MAD1L1: variants seen among roughly 807,000 people sequenced by gnomAD.
The protein encoded by MAD1L1 is mitotic arrest deficient 1 like 1.
In MAD1L1, 95 loss-of-function variants were observed where a neutral mutation model predicts 96.9. The ratio of observed to expected loss-of-function variants is 0.98; its 90% CI spans 0.83 to 1.16. MAD1L1 has a LOEUF of 1.16. Ranked by LOEUF, MAD1L1 falls within the 50% of genes most tolerant of loss-of-function variation. The pLI is 0.00. For missense variants in MAD1L1, 1,007 were observed against 954.4 expected (o/e 1.06, Z -0.73); for synonymous variants, 473 against 396.6 (o/e 1.19, Z -2.29).
intron 13 of MAD1L1, among the ~76,000 whole-genome samples, chr7:2,011,441 C>T (rs1353995288): frequency 1.3e-5 from 2 of 152,218 alleles, no homozygotes; most frequent in Non-Finnish European, 1.5e-5. Context: ...ACTTGCGCCA[C>T]ATCCATGAGG....
intron 17 of MAD1L1, among the ~76,000 whole-genome samples, chr7:1,905,207 G>A (rs376096737): frequency 3.2e-5 from 3 of 92,810 alleles, no homozygotes; most frequent in Non-Finnish European, 7.1e-5. Context: ...ACGCTCTTGC[G>A]GAATTCATGA....
chr7:2,096,941 C>T (rs1057191920), intron 11 of MAD1L1, among the ~76,000 whole-genome samples: 4 of 152,166 alleles, frequency 2.6e-5, no homozygotes, highest in African/African-American at 9.7e-5. Context: ...CACCCACAGG[C>T]GGGCACCCTC....
chr7:2,171,904 GA>G (rs1790725971), intron 10 of MAD1L1, among the ~76,000 whole-genome samples: 1 of 152,200 alleles, frequency 6.6e-6, no homozygotes, highest in South Asian at 2.1e-4. Flanking sequence ...AGAGATGCCA[GA>G]AATCAGCCAC....
chr7:2,065,364 C>T (rs1784835526), intron 12 of MAD1L1, among the ~76,000 whole-genome samples: 1 of 152,230 alleles, frequency 6.6e-6, no homozygotes, highest in African/African-American at 2.4e-5. Context: ...TGTTAAAGCT[C>T]ATCCGCTCCC....
intron 15 of MAD1L1, among the ~76,000 whole-genome samples, chr7:1,979,971 G>C (rs906349894): frequency 6.6e-6 from 1 of 152,230 alleles, no homozygotes; most frequent in African/African-American, 2.4e-5. Flanking sequence ...CACCAGCAGA[G>C]ACGAGTGTCC....
intron 14 of MAD1L1, among the ~76,000 whole-genome samples, chr7:1,986,331 C>T (rs567237491): frequency 0.035 from 1,071 of 30,742 alleles, 43 homozygotes; most frequent in Admixed American, 0.15. Flanking sequence ...TGGAACCACA[C>T]GCCAGTCCAG....
At chr7:2,170,029 G>C (rs915085509) in intron 10 of MAD1L1, among the ~76,000 whole-genome samples, 1 of 152,204 alleles carries the variant, frequency 6.6e-6, no homozygotes, top group African/African-American at 2.4e-5. Flanking sequence ...GCATCCGAAG[G>C]GGCCCTGCCT....
At chr7:2,231,528 A>T (rs1171615924) in intron 1 of MAD1L1, among the ~76,000 whole-genome samples, 1 of 151,760 alleles carries the variant, frequency 6.6e-6, no homozygotes, top group Non-Finnish European at 1.5e-5. Context: ...ATTTTCTTGA[A>T]CCCAGGAGAT....
chr7:2,057,031 A>G (rs1331519311), intron 12 of MAD1L1, among the ~76,000 whole-genome samples: 1 of 152,130 alleles, frequency 6.6e-6, no homozygotes. Flanking sequence ...GCGCCTGTTC[A>G]CCGGCTTCCC....
chr7:1,935,535 C>T (rs1778547845), intron 17 of MAD1L1, among the ~76,000 whole-genome samples: 1 of 152,128 alleles, frequency 6.6e-6, no homozygotes, highest in African/African-American at 2.4e-5. Context: ...GGGTGGGGCA[C>T]AAGAGGGAGG....
chr7:1,922,617 G>A (rs1362553373), intron 17 of MAD1L1, among the ~76,000 whole-genome samples: 1 of 152,208 alleles, frequency 6.6e-6, no homozygotes, highest in Non-Finnish European at 1.5e-5. Context: ...TGCCTTTCCA[G>A]TCCGTGTGCC....
At chr7:1,952,422 C>G (rs560891603) in intron 16 of MAD1L1, among the ~76,000 whole-genome samples, 18 of 152,344 alleles carry the variant, frequency 1.2e-4, no homozygotes, top group African/African-American at 4.1e-4. Context: ...TCCCTGGGGC[C>G]CCGTGCCAAT....
chr7:1,938,266 A>C (rs563668509), intron 16 of MAD1L1, among the ~76,000 whole-genome samples: 9 of 151,468 alleles, frequency 5.9e-5, no homozygotes, highest in African/African-American at 1.2e-4. Flanking sequence ...CACAAACAAC[A>C]GCCGCCCACG....
At chr7:2,068,013 C>T (rs116570050) in intron 12 of MAD1L1, among the ~76,000 whole-genome samples, 2,464 of 152,346 alleles carry the variant, frequency 0.016, 68 homozygotes, top group African/African-American at 0.056. Context: ...GAAGGGAACA[C>T]AGAGGAAGGT....
At chr7:2,193,631 A>G (rs1279675435) in intron 10 of MAD1L1, among the ~76,000 whole-genome samples, 2 of 152,282 alleles carry the variant, frequency 1.3e-5, no homozygotes. Flanking sequence ...GAGCAAATTT[A>G]TAAGGGTTTT....
At chr7:2,144,555 C>G (rs1011247613) in intron 11 of MAD1L1, among the ~76,000 whole-genome samples, 7 of 152,160 alleles carry the variant, frequency 4.6e-5, no homozygotes, top group African/African-American at 1.7e-4. Flanking sequence ...TGAAAGATGA[C>G]AGCATGGCCA....
chr7:2,014,204 G>A (rs1782427060), intron 13 of MAD1L1, among the ~76,000 whole-genome samples: 2 of 152,220 alleles, frequency 1.3e-5, no homozygotes, highest in Non-Finnish European at 2.9e-5. Flanking sequence ...CCCTTTGGCA[G>A]GCATCATGAG....
At chr7:1,898,423 G>C in intron 17 of MAD1L1, 33 bp from the exon 18 acceptor site, 6 of 1,599,954 alleles carry the variant, frequency 3.8e-6, no homozygotes, top group Non-Finnish European at 5.1e-6. Context: ...CAGTGAGTGC[G>C]GCACCAGGCC....
chr7:2,008,585 G>T (rs13227554), intron 13 of MAD1L1, among the ~76,000 whole-genome samples: 1 of 152,088 alleles, frequency 6.6e-6, no homozygotes, highest in Non-Finnish European at 1.5e-5. Flanking sequence ...GGCCCGGGGT[G>T]GGGGCTGGGC....
Sources: allele counts gnomAD v4.1 joint callset (sites outside exome capture counted in the v4.1 genomes callset), GRCh38; gene constraint gnomAD v4.1.1; transcripts MANE v1.5; gene names NCBI Gene and HGNC (gene_info 2026-07-23, HGNC 2026-07-21).